NT5C3A: variants seen among roughly 807,000 people sequenced by gnomAD.
The protein encoded by NT5C3A is cytosolic 5'-nucleotidase 3A.
Under a neutral mutation model 40.0 loss-of-function variants are expected in NT5C3A, and 23 were observed. The ratio of observed to expected loss-of-function variants is 0.58; its 90% CI spans 0.41 to 0.81. The LOEUF (loss-of-function observed/expected upper bound fraction) is 0.81, where lower values mean the gene tolerates loss of function less well. Ranked by LOEUF, NT5C3A falls within the 40% of genes least tolerant of loss-of-function variation. The pLI is 0.00. For synonymous variants in NT5C3A, 130 were observed against 141.4 expected (o/e 0.92, Z 0.57); for missense variants, 328 against 403.0 (o/e 0.81, Z 1.59).
chr7:33,060,421 TCC>T (rs1212151980), intron 1 of NT5C3A, among the ~76,000 whole-genome samples: 1 of 107,136 alleles, frequency 9.3e-6, no homozygotes. Flanking sequence ...CACCTCACCC[TCC>T]CAAAGTGCTG....
rs1787825969 is a variant in NT5C3A at position 33,062,579 on chromosome 7, T to A, written c.127A>T (p.Ile43Phe). The A allele has an allele frequency of 6.2e-7, 1 of 1,610,374 alleles. No homozygotes were observed. Among genetic ancestry groups the A allele is most frequent in the East Asian group, 2.2e-5 (1 of 44,774 alleles). ...LKRKTGRKTKIIEMMPEFQKS... is the reference protein window; with the variant it reads ...LKRKTGRKTKFIEMMPEFQKS... ...GCCTCCACACTCACCATCTCGATGA[T>A]CTTGGTCTTCCGCCCCGTCTTCCTC... Residue 43 changes from isoleucine (I) to phenylalanine (F), a missense_variant, in exon 1 of 9, where the codon ATC (isoleucine) becomes TTC (phenylalanine). Physicochemically the swap from Ile to Phe is conservative, Grantham distance 21. Transcript: ENST00000610140.
chr7:33,032,418 G>C (rs1786321625), intron 1 of NT5C3A, among the ~76,000 whole-genome samples: 1 of 74,628 alleles, frequency 1.3e-5, no homozygotes, highest in African/African-American at 6.3e-5. Context: ...GTGAGACTCG[G>C]TCTCCAAAAA....
chr7:33,024,354 C>A (rs1785799246), intron 2 of NT5C3A, among the ~76,000 whole-genome samples: 2 of 152,206 alleles, frequency 1.3e-5, no homozygotes, highest in Admixed American at 1.3e-4. Flanking sequence ...CCAAATAAAT[C>A]TGATTCGTAA....
At chr7:33,020,095 G>A (rs1364479266) in intron 5 of NT5C3A, among the ~76,000 whole-genome samples, 1 of 152,078 alleles carries the variant, frequency 6.6e-6, no homozygotes, top group Non-Finnish European at 1.5e-5. Flanking sequence ...AAATTTGTTT[G>A]TAGTTTGAAT....
At chr7:33,049,043 T>C (rs1477762200) in intron 1 of NT5C3A, among the ~76,000 whole-genome samples, 1 of 152,216 alleles carries the variant, frequency 6.6e-6, no homozygotes, top group African/African-American at 2.4e-5. Context: ...TGGTAAGCAC[T>C]GTTTACAACT....
chr7:33,052,851 T>C (rs1232985121), intron 1 of NT5C3A, among the ~76,000 whole-genome samples: 1 of 152,228 alleles, frequency 6.6e-6, no homozygotes, highest in Non-Finnish European at 1.5e-5. Context: ...TCTGATTGTT[T>C]GTCTGGAGTA....
intron 7 of NT5C3A, 179 bp downstream of exon 7, chr7:33,017,260 G>C: frequency 3.4e-6 from 2 of 583,274 alleles, no homozygotes; most frequent in Non-Finnish European, 6.1e-6. Flanking sequence ...GTTTAAGAAG[G>C]GCACATTGTT....
chr7:33,015,685 T>C lies in NT5C3A; in HGVS notation c.879A>G (p.Gly293=), dbSNP rs752781040. The C allele has an allele frequency of 6.2e-7, 1 of 1,605,388 alleles. No homozygotes were observed. Among genetic ancestry groups the C allele is most frequent in the South Asian group, 1.1e-5 (1 of 90,780 alleles). ...GTATACTTACTCTATCATTTAGATA[T>C]CCAATTTTCAGAATGTGCTCAACAT... The part of the protein sequence containing the change: ...VANVEHILKI[G]YLNDRVDELL... The change falls in exon 8 of 9, where the codon GGA becomes GGG. Residue 293 remains glycine (G), a synonymous_variant. Transcript: ENST00000610140.
At position 33,026,856 on chromosome 7, in the gene NT5C3A, A is replaced by C; in HGVS notation, c.198T>G (p.Ile66Met). The C allele has an allele frequency of 6.2e-7, 1 of 1,612,576 alleles. No individual in the cohort carries two copies. The highest frequency in any genetic ancestry group is 2.2e-5 in the East Asian group (1 of 44,858). ...CTCCTCCTTTGATAAGACCACAGAT[A>C]ATTTCTTCTACTCTTGTAGGGTTCT... ...RIKNPTRVEE[I>M]ICGLIKGGAA... is the part of the protein sequence containing the mutation. Residue 66 changes from isoleucine (I) to methionine (M), a missense_variant, in exon 2 of 9, where the codon ATT becomes ATG. Ile to Met is a conservative substitution (Grantham distance 10). Transcript: ENST00000610140.
rs200687813 is a variant in NT5C3A at position 33,062,710 on chromosome 7, G to C, written c.-5C>G. On this transcript the variant is annotated 5_prime_UTR_variant, in exon 1 of 9. Transcript: ENST00000610140. ...CGCCACGGCCGCGCGGTCCATGGAC[G>C]GGGCCCTCATGCGCGTCCAAGCAGG... 41 of 1,560,112 alleles carry C rather than the reference G, an allele frequency of 2.6e-5. No individual in the cohort carries two copies. The highest frequency in any genetic ancestry group is 5.5e-5 in the African/African-American group (4 of 73,190).
In NT5C3A at chr7:33,015,882, A is replaced by G. The variant is rs183224269; in HGVS notation, c.694-12T>C. Reference sequence around the variant, plus strand: ...CCTTTGAGCACCCCCTATGAAAAATATAAATCTTTTGAACAGGCTTTAAAA... The same window carrying G: ...CCTTTGAGCACCCCCTATGAAAAATGTAAATCTTTTGAACAGGCTTTAAAA... On this transcript the variant is annotated splice_polypyrimidine_tract_variant and intron_variant, in intron 7 of 8. Coordinates refer to ENST00000610140, the MANE Select transcript of NT5C3A (RefSeq NM_001002010.5). The G allele has an allele frequency of 1.5e-5, 24 of 1,570,266 alleles. No individual in the cohort carries two copies. The Admixed American group carries it at 3.3e-4, about 22-fold the overall frequency.
intron 2 of NT5C3A, among the ~76,000 whole-genome samples, chr7:33,025,231 T>C (rs1785853280): frequency 6.6e-6 from 1 of 152,208 alleles, no homozygotes; most frequent in African/African-American, 2.4e-5. Flanking sequence ...GCAGGTGATA[T>C]GGCTACTCTT....
chr7:33,014,256 T>C lies in NT5C3A; in HGVS notation c.*474A>G. Reference sequence around the variant, plus strand: ...AACTGCTAGTCTTTTCCAGTAAATATTTTTTCCCCAGACAAAATAACCAAA... The same window carrying C: ...AACTGCTAGTCTTTTCCAGTAAATACTTTTTCCCCAGACAAAATAACCAAA... On this transcript the variant is annotated 3_prime_UTR_variant, in exon 9 of 9. Coordinates refer to ENST00000610140, the MANE Select transcript of NT5C3A (RefSeq NM_001002010.5). 2.2e-6 allele frequency: 1 copy of C among 454,502 alleles called. No individual in the cohort carries two copies. Among genetic ancestry groups the C allele is most frequent in the South Asian group, 1.6e-5 (1 of 64,476 alleles). The allele number at this position is 454,502 out of a possible 1,614,324, so 28.2% of individuals were successfully genotyped here.
At chr7:33,017,211 T>G (rs1785383189) in intron 7 of NT5C3A, 2 of 511,316 alleles carry the variant, frequency 3.9e-6, no homozygotes, top group Non-Finnish European at 6.8e-6. Context: ...GAAGAAGTTT[T>G]ACTACTTTTA....
chr7:33,057,171 C>A (rs1296520579), intron 1 of NT5C3A, among the ~76,000 whole-genome samples: 1 of 152,074 alleles, frequency 6.6e-6, no homozygotes, highest in Non-Finnish European at 1.5e-5. Context: ...GCAATGCACC[C>A]AGAGTTGGCC....
chr7:33,039,554 GGTTTTTT>G lies in NT5C3A; in HGVS notation c.139-12646_139-12640del, dbSNP rs1277679048. On this transcript the variant is annotated intron_variant, in intron 1 of 8. Coordinates refer to ENST00000610140, the MANE Select transcript of NT5C3A (RefSeq NM_001002010.5). Reference sequence around the variant, plus strand: ...GTACTATTTGACTTTCTTAAGCTTGGGTTTTTTGTTTTTTTTTTTTTTTAATGTTACT... The same window carrying G: ...GTACTATTTGACTTTCTTAAGCTTGGGTTTTTTTTTTTTTTTAATGTTACT... Among the ~76,000 whole-genome samples, 2 of 29,648 alleles carry G rather than the reference GGTTTTTT, an allele frequency of 6.7e-5. 1 individual carries two copies. Among genetic ancestry groups the G allele is most frequent in the Non-Finnish European group, 1.4e-4 (2 of 14,364 alleles). The allele number at this position is 29,648 out of a possible 152,430, so 19.5% of individuals were successfully genotyped here. A position where few individuals can be genotyped will look rare whatever the true frequency, so the allele number is the denominator to read the frequency against.
chr7:33,035,773 T>C (rs1786563900), intron 1 of NT5C3A, among the ~76,000 whole-genome samples: 1 of 152,220 alleles, frequency 6.6e-6, no homozygotes. Flanking sequence ...TAAAGATAAT[T>C]TGAAATTCAA....
At chr7:33,049,774 C>A (rs140820797) in intron 1 of NT5C3A, among the ~76,000 whole-genome samples, 3,907 of 151,738 alleles carry the variant, frequency 0.026, 170 homozygotes, top group African/African-American at 0.089. Flanking sequence ...TCGAGACCAT[C>A]CTGGCTAACA....
Position 33,019,677 on chromosome 7 carries a change from G to C in NT5C3A, c.488C>G (p.Ala163Gly). Residue 163 changes from alanine to glycine, a missense_variant, in exon 6 of 9, where the codon GCT becomes GGT. Coordinates refer to ENST00000610140, the MANE Select transcript of NT5C3A (RefSeq NM_001002010.5). ...GLLVQQALPK[A>G]KLKEIVAESD... ...TTCTGCCACAATTTCTTTAAGTTTA[G>C]CTTTTGGTAAAGCTTGCTGAACAAG... 6.2e-7 allele frequency: 1 copy of C among 1,610,572 alleles called. No individual in the cohort carries two copies. Among genetic ancestry groups the C allele is most frequent in the Non-Finnish European group, 8.5e-7 (1 of 1,178,004 alleles).
Sources: gnomAD v4.1 joint callset for allele counts (sites outside exome capture counted in the v4.1 genomes callset) on GRCh38, gnomAD v4.1.1 for gene constraint, MANE v1.5 for transcripts, NCBI Gene and HGNC (gene_info 2026-07-23, HGNC 2026-07-21) for gene names.